LMX1A: variants seen among roughly 807,000 people sequenced by gnomAD.
LMX1A encodes the protein LIM homeobox transcription factor 1 alpha.
Under a neutral mutation model 49.1 loss-of-function variants are expected in LMX1A, and 15 were observed. The ratio of observed to expected loss-of-function variants is 0.31; its 90% CI spans 0.20 to 0.47. The LOEUF (loss-of-function observed/expected upper bound fraction) is 0.47. Ranked by LOEUF, LMX1A falls within the 20% of genes least tolerant of loss-of-function variation. The probability of loss-of-function intolerance (pLI) is 1.00; values close to 1 mark genes in which losing one functional copy is unlikely to be tolerated. For synonymous variants in LMX1A, 167 were observed against 185.7 expected, an observed-to-expected ratio of 0.90 and a Z score of 0.82; for missense variants, 372 against 475.8, an observed-to-expected ratio of 0.78 and a Z score of 2.03.
chr1:165,282,320 G>A (rs998922934), intron 3 of LMX1A, among the ~76,000 whole-genome samples: 6 of 152,180 alleles, frequency 3.9e-5, no homozygotes, highest in East Asian at 1.9e-4. Context: ...GAAGCCCCTC[G>A]GATACCAAAA....
intron 3 of LMX1A, among the ~76,000 whole-genome samples, chr1:165,338,314 A>G (rs774516700): frequency 6.6e-6 from 1 of 152,174 alleles, no homozygotes; most frequent in African/African-American, 2.4e-5. Flanking sequence ...AGCTGAAATC[A>G]CTTCATCATA....
At chr1:165,323,682 C>T (rs1655486185) in intron 3 of LMX1A, among the ~76,000 whole-genome samples, 1 of 152,162 alleles carries the variant, frequency 6.6e-6, no homozygotes, top group Admixed American at 6.5e-5. Context: ...TAGAAAACCT[C>T]CCCCTCCCTT....
chr1:165,348,109 A>G (rs1464344777), intron 3 of LMX1A, among the ~76,000 whole-genome samples: 1 of 152,252 alleles, frequency 6.6e-6, no homozygotes, highest in Non-Finnish European at 1.5e-5. Context: ...ATTCACACTA[A>G]AATCTGAATA....
chr1:165,309,307 T>C (rs1190642599), intron 3 of LMX1A, among the ~76,000 whole-genome samples: 1 of 152,196 alleles, frequency 6.6e-6, no homozygotes, highest in Non-Finnish European at 1.5e-5. Context: ...TTCTGATACA[T>C]GGGATCAACT....
chr1:165,213,541 C>T (rs1306775495), intron 5 of LMX1A, 100 bp downstream of exon 5: 2 of 1,124,884 alleles, frequency 1.8e-6, no homozygotes, highest in Non-Finnish European at 2.6e-6. Flanking sequence ...CAGCCTTCCT[C>T]ACCACTGTGA....
chr1:165,342,007 C>T (rs1418005561), intron 3 of LMX1A, among the ~76,000 whole-genome samples: 1 of 152,170 alleles, frequency 6.6e-6, no homozygotes, highest in Non-Finnish European at 1.5e-5. Context: ...TCATTAAATA[C>T]CAGTTTACAA....
chr1:165,245,528 CA>C (rs1294723495), intron 4 of LMX1A, among the ~76,000 whole-genome samples: 1 of 90,502 alleles, frequency 1.1e-5, no homozygotes, highest in African/African-American at 6.3e-5. Context: ...TATGATTTAA[CA>C]AGCTAATTAC....
intron 3 of LMX1A, among the ~76,000 whole-genome samples, chr1:165,269,415 C>A (rs1193075801): frequency 1.3e-5 from 2 of 152,194 alleles, no homozygotes; most frequent in African/African-American, 2.4e-5. Context: ...CCCTTTAGAT[C>A]AACCCTCTCC....
intron 3 of LMX1A, among the ~76,000 whole-genome samples, chr1:165,341,586 C>T (rs973558051): frequency 1.1e-4 from 4 of 35,808 alleles, no homozygotes; most frequent in South Asian, 2.0e-3. Context: ...AGACAATAAA[C>T]CAAATATATA....
At chr1:165,222,152 A>G (rs1651874082) in intron 4 of LMX1A, among the ~76,000 whole-genome samples, 1 of 152,164 alleles carries the variant, frequency 6.6e-6, no homozygotes, top group African/African-American at 2.4e-5. Context: ...CCCCACCAAC[A>G]TCACTGTATT....
At chr1:165,319,644 A>G (rs895609812) in intron 3 of LMX1A, among the ~76,000 whole-genome samples, 2 of 152,306 alleles carry the variant, frequency 1.3e-5, no homozygotes, top group East Asian at 3.9e-4. Context: ...ATGAGAAAAC[A>G]TTAACAATAT....
intron 3 of LMX1A, among the ~76,000 whole-genome samples, chr1:165,331,577 G>C (rs1394768611): frequency 6.6e-6 from 1 of 152,160 alleles, no homozygotes; most frequent in Non-Finnish European, 1.5e-5. Flanking sequence ...TGACAAAAAA[G>C]TTTATGAACT....
chr1:165,314,128 C>T (rs550121191), intron 3 of LMX1A, among the ~76,000 whole-genome samples: 1 of 152,362 alleles, frequency 6.6e-6, no homozygotes, highest in Admixed American at 6.5e-5. Flanking sequence ...AAGCTCACAC[C>T]TCCTTGAGAA....
intron 3 of LMX1A, among the ~76,000 whole-genome samples, chr1:165,283,961 T>C (rs1284989157): frequency 6.6e-6 from 1 of 152,222 alleles, no homozygotes; most frequent in Non-Finnish European, 1.5e-5. Flanking sequence ...ACTCATGGCC[T>C]GGACTGGCAG....
chr1:165,227,684 C>T (rs1307679542), intron 4 of LMX1A, among the ~76,000 whole-genome samples: 2 of 152,090 alleles, frequency 1.3e-5, no homozygotes, highest in Non-Finnish European at 2.9e-5. Context: ...TTATTTTCCC[C>T]AAATTTCAGC....
intron 3 of LMX1A, among the ~76,000 whole-genome samples, chr1:165,263,309 A>C (rs1653504483): frequency 6.6e-6 from 1 of 152,198 alleles, no homozygotes; most frequent in Admixed American, 6.5e-5. Context: ...CAAAACCAAA[A>C]TAAAATTCCT....
At chr1:165,330,606 C>A (rs1655718328) in intron 3 of LMX1A, among the ~76,000 whole-genome samples, 1 of 152,126 alleles carries the variant, frequency 6.6e-6, no homozygotes, top group Non-Finnish European at 1.5e-5. Context: ...AGATAGCAGA[C>A]AACGGACCAA....
intron 7 of LMX1A, among the ~76,000 whole-genome samples, chr1:165,206,548 T>G (rs1462827071): frequency 6.6e-6 from 1 of 152,226 alleles, no homozygotes; most frequent in Non-Finnish European, 1.5e-5. Flanking sequence ...AGCCTCTGCT[T>G]TCTTAAGTCT....
chr1:165,236,852 GTTT>G (rs11302510), intron 4 of LMX1A, among the ~76,000 whole-genome samples: 1 of 144,338 alleles, frequency 6.9e-6, no homozygotes. Flanking sequence ...GGAGTTCAAA[GTTT>G]TTTTTTTTTT....
Sources: gnomAD v4.1 joint callset for allele counts (sites outside exome capture counted in the v4.1 genomes callset) on GRCh38, gnomAD v4.1.1 for gene constraint, MANE v1.5 for transcripts, NCBI Gene and HGNC (gene_info 2026-07-23, HGNC 2026-07-21) for gene names.